IQCK: variants seen among roughly 807,000 people sequenced by gnomAD.
IQCK encodes IQ domain-containing protein K.
IQCK carries 29 observed loss-of-function variants against 28.1 expected under a neutral mutation model. The ratio of observed to expected loss-of-function variants is 1.03; its 90% CI spans 0.77 to 1.41. The LOEUF (loss-of-function observed/expected upper bound fraction) is 1.41, where lower values mean the gene tolerates loss of function less well. Ranked by LOEUF, IQCK falls within the 40% of genes most tolerant of loss-of-function variation. IQCK has a pLI of 0.00. For synonymous variants in IQCK, 113 were observed against 115.1 expected (o/e 0.98, Z 0.12); for missense variants, 359 against 314.7 (o/e 1.14, Z -1.07).
intron 7 of IQCK, among the ~76,000 whole-genome samples, chr16:19,824,324 C>CCTAT (rs1309059037): frequency 6.6e-6 from 1 of 152,170 alleles, no homozygotes; most frequent in Non-Finnish European, 1.5e-5. Flanking sequence ...GATTCATGCT[C>CCTAT]CTATGAGAAT....
At chr16:19,733,565 G>A in intron 2 of IQCK, 133 bp from the exon 3 acceptor site, 1 of 964,054 alleles carries the variant, frequency 1.0e-6, no homozygotes, top group Non-Finnish European at 1.5e-6. Context: ...GGGAGACAAA[G>A]ATCTGTGCTC....
rs145234541 is a variant in IQCK at position 19,720,294 on chromosome 16, T to C, written c.181+1807T>C. On this transcript the variant is annotated intron_variant, in intron 1 of 7. Coordinates refer to ENST00000564186, the Ensembl canonical transcript of IQCK. ...ACGTCCTTACCTCTTGGTGCTATGA[T>C]CCAAGGAGCTAATCACTCTACCCCA... Among the ~76,000 whole-genome samples the C allele has an allele frequency of 4.3e-3, 654 of 152,332 alleles. 7 individuals are homozygous for C. Among genetic ancestry groups the C allele is most frequent in the African/African-American group, 0.015 (622 of 41,574 alleles).
intron 7 of IQCK, among the ~76,000 whole-genome samples, chr16:19,814,566 A>T (rs897441762): frequency 6.6e-6 from 1 of 152,094 alleles, no homozygotes; most frequent in Non-Finnish European, 1.5e-5. Flanking sequence ...AATCTCAATA[A>T]ATGTAAATAG....
chr16:19,727,239 G>A (rs1977684890), intron 1 of IQCK, among the ~76,000 whole-genome samples: 1 of 152,158 alleles, frequency 6.6e-6, no homozygotes, highest in Non-Finnish European at 1.5e-5. Context: ...ACAGTGTTAT[G>A]TGGTTCTATG....
downstream of IQCK, among the ~76,000 whole-genome samples, chr16:19,827,719 G>C (rs929228657): frequency 6.6e-6 from 1 of 152,166 alleles, no homozygotes; most frequent in African/African-American, 2.4e-5. Context: ...ACAAAATGGT[G>C]GAGGAAGGTT....
downstream of IQCK, among the ~76,000 whole-genome samples, chr16:19,830,092 G>A (rs1210169109): frequency 6.6e-6 from 1 of 152,168 alleles, no homozygotes; most frequent in Non-Finnish European, 1.5e-5. Context: ...AAAGTTCCTG[G>A]TGCAGAGTAG....
At chr16:19,763,850 G>A (rs2055187899) in exon 5 of IQCK, 1 of 1,612,110 alleles carries the variant, frequency 6.2e-7, no homozygotes, top group African/African-American at 1.3e-5. Context: ...CTCTTCAGAG[G>A]AAAAGAACCA....
intron 9 of IQCK, among the ~76,000 whole-genome samples, chr16:19,847,952 G>A (rs139287531): frequency 1.2e-4 from 19 of 152,138 alleles, no homozygotes; most frequent in Non-Finnish European, 2.5e-4. Flanking sequence ...ATAGGCATGC[G>A]CCACCACACC....
downstream of IQCK, among the ~76,000 whole-genome samples, chr16:19,829,449 G>T (rs184291158): frequency 1.0e-3 from 157 of 151,840 alleles, 2 homozygotes; most frequent in African/African-American, 3.7e-3. Flanking sequence ...CGATTCTCAT[G>T]CCTCAGCCTC....
intron 6 of IQCK, among the ~76,000 whole-genome samples, chr16:19,771,078 G>T (rs141842724): frequency 1.3e-5 from 2 of 152,248 alleles, no homozygotes; most frequent in East Asian, 3.9e-4. Context: ...AATATTCACA[G>T]GTTCTGGGAA....
In IQCK at chr16:19,730,196, T is replaced by A. The variant is rs545488569; in HGVS notation, c.182-234T>A. Among the ~76,000 whole-genome samples the A allele has an allele frequency of 2.4e-4, 36 of 152,304 alleles. 1 individual carries two copies. The highest frequency in any genetic ancestry group is 6.8e-3 in the Middle Eastern group (2 of 294). Reference sequence around the variant, plus strand: ...GTCTCGAACTCCTGACCTCAGGTGATCCTCCTGCCTCGGCCTCCAAAAGTG... The same window carrying A: ...GTCTCGAACTCCTGACCTCAGGTGAACCTCCTGCCTCGGCCTCCAAAAGTG... On this transcript the variant is annotated intron_variant, in intron 1 of 7. Coordinates refer to ENST00000564186, the Ensembl canonical transcript of IQCK.
chr16:19,736,518 G>A (rs1319398044), intron 4 of IQCK, among the ~76,000 whole-genome samples: 1 of 152,104 alleles, frequency 6.6e-6, no homozygotes, highest in African/African-American at 2.4e-5. Context: ...CTACACCCAC[G>A]CGGATACCCT....
Position 19,856,516 on chromosome 16 carries a change from C to A in IQCK, c.832C>A (p.Pro278Thr), listed in dbSNP as rs1338269255. The change falls in exon 10 of 10, where the codon CCT becomes ACT. Residue 278 changes from proline to threonine, a missense_variant. By Grantham distance (38) the Pro-to-Thr change is conservative. Coordinates refer to the IQCK transcript ENST00000320394. ...ATGCAAAATGGAGGACGATGCAGTA[C>A]CTGCAGCCAAGATGAAAATTCCATC... 1.9e-6 allele frequency: 3 copies of A among 1,613,766 alleles called. No individual in the cohort carries two copies. The African/African-American group carries it at 4.0e-5, about 22-fold the overall frequency.
intron 4 of IQCK, among the ~76,000 whole-genome samples, chr16:19,748,341 C>T (rs1357372188): frequency 5.3e-5 from 8 of 152,086 alleles, no homozygotes; most frequent in Non-Finnish European, 1.2e-4. Context: ...TCCCAAAGTG[C>T]TGGAATTACA....
At chr16:19,835,347 G>A (rs187102431) in intron 9 of IQCK, among the ~76,000 whole-genome samples, 7 of 152,180 alleles carry the variant, frequency 4.6e-5, no homozygotes, top group Non-Finnish European at 5.9e-5. Flanking sequence ...ATGCTGTACT[G>A]TAACTGGCTT....
At position 19,764,024 on chromosome 16, in the gene IQCK, A is replaced by G; in HGVS notation, c.528-11A>G. 1 of 1,613,762 alleles carries G rather than the reference A, an allele frequency of 6.2e-7. No homozygotes were observed. Among genetic ancestry groups the G allele is most frequent in the Non-Finnish European group, 8.5e-7 (1 of 1,179,640 alleles). Reference sequence around the variant, plus strand: ...TTTTCTTGTCAATCAAACATATGGCATCATGACCAGCCAAAATCCAAAGAG... The same window carrying G: ...TTTTCTTGTCAATCAAACATATGGCGTCATGACCAGCCAAAATCCAAAGAG... On this transcript the variant is annotated splice_polypyrimidine_tract_variant and intron_variant, in intron 5 of 7. Transcript: ENST00000564186.
intron 6 of IQCK, among the ~76,000 whole-genome samples, chr16:19,779,160 G>A (rs1173087828): frequency 6.6e-6 from 1 of 152,132 alleles, no homozygotes; most frequent in African/African-American, 2.4e-5. Context: ...CAGTGTATCT[G>A]TTAAAAAGAT....
intron 7 of IQCK, among the ~76,000 whole-genome samples, chr16:19,801,030 AAC>A (rs2055752602): frequency 7.3e-6 from 1 of 136,610 alleles, no homozygotes; most frequent in Admixed American, 7.0e-5. Flanking sequence ...AAAAATTTGA[AAC>A]ACTAGTATTT....
At chr16:19,834,309 A>T (rs1049254112) in intron 9 of IQCK, among the ~76,000 whole-genome samples, 1 of 152,170 alleles carries the variant, frequency 6.6e-6, no homozygotes, top group Non-Finnish European at 1.5e-5. Context: ...CATCGTACAG[A>T]TGAGGAAACC....
Sources: allele counts gnomAD v4.1 joint callset (sites outside exome capture counted in the v4.1 genomes callset), GRCh38; gene constraint gnomAD v4.1.1; transcripts MANE v1.5; gene names NCBI Gene and HGNC (gene_info 2026-07-23, HGNC 2026-07-21).